The following ACBD6 variants were observed in gnomAD, a reference collection of about 807,000 sequenced individuals.
ACBD6 encodes acyl-CoA binding domain containing 6, also known as acyl-CoA-binding domain-containing protein 6.
In ACBD6, 28 loss-of-function variants were observed where a neutral mutation model predicts 37.2. The observed-to-expected ratio is 0.75, with a 90% CI of 0.56 to 1.03. The LOEUF (loss-of-function observed/expected upper bound fraction) is 1.03. ACBD6 is among the 50% of genes least tolerant of loss of function. The probability of loss-of-function intolerance (pLI) is 0.00; values close to 1 mark genes in which losing one functional copy is unlikely to be tolerated. For synonymous variants in ACBD6, 113 were observed against 126.8 expected (o/e 0.89, Z 0.73); for missense variants, 340 against 337.4 (o/e 1.01, Z -0.06).
chr1:180,373,226 T>C (rs1013587310), intron 6 of ACBD6, among the ~76,000 whole-genome samples: 4 of 152,348 alleles, frequency 2.6e-5, no homozygotes, highest in Admixed American at 2.6e-4. Context: ...TTTTATTTCT[T>C]TTCATTCACT....
At chr1:180,337,020 C>G (rs1338312110) in intron 6 of ACBD6, among the ~76,000 whole-genome samples, 1 of 152,044 alleles carries the variant, frequency 6.6e-6, no homozygotes, top group South Asian at 2.1e-4. Flanking sequence ...ATTAATAGCT[C>G]ACCAACCAAA....
chr1:180,398,059 T>TACAACA (rs10583778), intron 5 of ACBD6, among the ~76,000 whole-genome samples: 2,615 of 149,366 alleles, frequency 0.018, 59 homozygotes, highest in African/African-American at 0.048. Flanking sequence ...TCTCAAAAAC[T>TACAACA]ACAACAACAA....
At chr1:180,500,683 A>G (rs1651932342) in intron 1 of ACBD6, among the ~76,000 whole-genome samples, 3 of 147,394 alleles carry the variant, frequency 2.0e-5, no homozygotes, top group Admixed American at 1.3e-4. Flanking sequence ...AACAGGAGCA[A>G]AACTCCATCT....
intron 6 of ACBD6, among the ~76,000 whole-genome samples, chr1:180,391,095 C>T (rs1654059594): frequency 6.6e-6 from 1 of 151,958 alleles, no homozygotes. Flanking sequence ...ACAGTCTTTT[C>T]AATAATGGTG....
chr1:180,481,961 T>C (rs1165704210), intron 3 of ACBD6, among the ~76,000 whole-genome samples: 3 of 152,172 alleles, frequency 2.0e-5, no homozygotes, highest in African/African-American at 7.2e-5. Context: ...GGTGAATTTC[T>C]TTCTGAGATG....
chr1:180,337,169 C>G (rs1651756804), intron 6 of ACBD6, among the ~76,000 whole-genome samples: 1 of 152,126 alleles, frequency 6.6e-6, no homozygotes, highest in Admixed American at 6.6e-5. Flanking sequence ...CAGCATCATC[C>G]TGATACCAAA....
At chr1:180,438,033 T>C (rs561006625) in intron 3 of ACBD6, among the ~76,000 whole-genome samples, 1 of 151,962 alleles carries the variant, frequency 6.6e-6, no homozygotes, top group Non-Finnish European at 1.5e-5. Flanking sequence ...TGAGTGGCGG[T>C]TGAGCAAGCA....
intron 3 of ACBD6, among the ~76,000 whole-genome samples, chr1:180,446,932 T>C (rs1457991456): frequency 6.6e-6 from 1 of 152,054 alleles, no homozygotes. Flanking sequence ...TCCCAGCTAC[T>C]TGGGAGGCTG....
chr1:180,365,926 T>C (rs1442808184), intron 6 of ACBD6, among the ~76,000 whole-genome samples: 14 of 152,210 alleles, frequency 9.2e-5, no homozygotes, highest in East Asian at 3.8e-4. Flanking sequence ...AAAAGCAATA[T>C]TGACCATTTC....
chr1:180,278,682 G>A (rs1432190637), intron 9 of ACBD6: 2 of 151,418 alleles, frequency 1.3e-5, no homozygotes, highest in African/African-American at 4.9e-5. Context: ...CAGGTTCAGG[G>A]CTGCGGGATT....
chr1:180,470,396 T>C (rs1650517738), intron 3 of ACBD6, among the ~76,000 whole-genome samples: 1 of 152,212 alleles, frequency 6.6e-6, no homozygotes, highest in Non-Finnish European at 1.5e-5. Flanking sequence ...ATTACAACCA[T>C]GTACCAGAAT....
chr1:180,307,579 T>C (rs1273726676), intron 7 of ACBD6, among the ~76,000 whole-genome samples: 4 of 152,200 alleles, frequency 2.6e-5, no homozygotes, highest in African/African-American at 9.7e-5. Flanking sequence ...CATGATGTGA[T>C]TATTACACAT....
chr1:180,430,369 C>A (rs964542348), intron 3 of ACBD6, 107 bp from the exon 4 acceptor site: 4 of 944,618 alleles, frequency 4.2e-6, no homozygotes, highest in Non-Finnish European at 6.7e-6. Flanking sequence ...AAGGATTTTA[C>A]CCTCAACCAT....
intron 6 of ACBD6, among the ~76,000 whole-genome samples, chr1:180,326,759 C>A (rs1651271673): frequency 6.6e-6 from 1 of 152,150 alleles, no homozygotes; most frequent in African/African-American, 2.4e-5. Context: ...GCTCTTTAGT[C>A]TGCAGGTGAT....
chr1:180,435,805 T>C (rs1454945887), intron 3 of ACBD6: 3 of 955,020 alleles, frequency 3.1e-6, no homozygotes, highest in Non-Finnish European at 5.2e-6. Flanking sequence ...CTAAAGTGAA[T>C]AACTCCAGCC....
chr1:180,297,709 GA>G (rs1649978659), intron 7 of ACBD6, among the ~76,000 whole-genome samples: 1 of 152,074 alleles, frequency 6.6e-6, no homozygotes, highest in East Asian at 1.9e-4. Context: ...ATCTTTTTGA[GA>G]CTTTAAAATT....
At chr1:180,371,414 T>C (rs1393245430) in intron 6 of ACBD6, among the ~76,000 whole-genome samples, 1 of 152,140 alleles carries the variant, frequency 6.6e-6, no homozygotes, top group African/African-American at 2.4e-5. Context: ...GTCTGGCAGG[T>C]AGATACAGAG....
chr1:180,394,493 A>C (rs1014460842), intron 6 of ACBD6, among the ~76,000 whole-genome samples: 4 of 152,158 alleles, frequency 2.6e-5, no homozygotes, highest in African/African-American at 4.8e-5. Context: ...AAAATAAATG[A>C]GCAAAAATAG....
chr1:180,327,219 G>C (rs1011939486), intron 6 of ACBD6, among the ~76,000 whole-genome samples: 1 of 152,166 alleles, frequency 6.6e-6, no homozygotes, highest in Non-Finnish European at 1.5e-5. Flanking sequence ...ATTACCCTCT[G>C]GCTAGGGCTA....
Sources: allele counts gnomAD v4.1 joint callset (sites outside exome capture counted in the v4.1 genomes callset), GRCh38; gene constraint gnomAD v4.1.1; transcripts MANE v1.5; gene names NCBI Gene and HGNC (gene_info 2026-07-23, HGNC 2026-07-21).